Variants in L3MBTL4 observed in about 807,000 individuals in gnomAD.
L3MBTL4 encodes the protein L3MBTL histone methyl-lysine binding protein 4, also known as lethal(3)malignant brain tumor-like protein 4.
Under a neutral mutation model 84.5 loss-of-function variants are expected in L3MBTL4, and 70 were observed. The ratio of observed to expected loss-of-function variants is 0.83; its 90% confidence interval spans 0.68 to 1.01. L3MBTL4 has a LOEUF of 1.01. Ranked by LOEUF, L3MBTL4 falls within the 50% of genes least tolerant of loss-of-function variation. The probability of loss-of-function intolerance (pLI) is 0.00; values close to 1 mark genes in which losing one functional copy is unlikely to be tolerated. For missense variants in L3MBTL4, 715 were observed against 754.8 expected, an observed-to-expected ratio of 0.95 and a Z score of 0.62; for synonymous variants, 274 against 259.8, an observed-to-expected ratio of 1.05 and a Z score of -0.52.
In L3MBTL4 at chr18:6,381,951, A is replaced by T. The variant is rs574234934; in HGVS notation, c.-91+32850T>A. 4.0e-4 allele frequency among the ~76,000 whole-genome samples: 61 copies of T among 152,318 alleles called. No individual in the cohort carries two copies. The South Asian group carries it at 0.013, about 32-fold the overall frequency. On this transcript the variant is annotated intron_variant, in intron 1 of 18. Coordinates refer to ENST00000317931, the MANE Select transcript of L3MBTL4 (RefSeq NM_001330559.2). The stretch of plus-strand genomic sequence containing the variant: ...TTTCCAGCTTGGTTCCATTGTCTCC[A>T]TCACTTTCAGGTACAACAATCAAAC...
At chr18:6,310,962 C>T (rs1418038037) in intron 3 of L3MBTL4, among the ~76,000 whole-genome samples, 3 of 152,048 alleles carry the variant, frequency 2.0e-5, no homozygotes, top group Non-Finnish European at 4.4e-5. Context: ...AAAAACAGGT[C>T]CCCCAAGGAA....
At chr18:5,978,084 G>A (rs529437194) in intron 16 of L3MBTL4, among the ~76,000 whole-genome samples, 2 of 152,314 alleles carry the variant, frequency 1.3e-5, no homozygotes, top group South Asian at 2.1e-4. Context: ...GCCTTCAGAG[G>A]AATTGTACTG....
intron 1 of L3MBTL4, among the ~76,000 whole-genome samples, chr18:6,355,186 T>C (rs2053382378): frequency 6.6e-6 from 1 of 152,140 alleles, no homozygotes; most frequent in South Asian, 2.1e-4. Flanking sequence ...TAAATAACAA[T>C]ATGGATTGTG....
At chr18:6,346,189 C>G (rs2052897571) in intron 1 of L3MBTL4, among the ~76,000 whole-genome samples, 1 of 147,840 alleles carries the variant, frequency 6.8e-6, no homozygotes, top group Admixed American at 6.8e-5. Flanking sequence ...AAAATCAATT[C>G]AAAATAGATT....
At chr18:6,120,335 G>T (rs1396026859) in intron 14 of L3MBTL4, among the ~76,000 whole-genome samples, 5 of 152,260 alleles carry the variant, frequency 3.3e-5, no homozygotes, top group African/African-American at 9.6e-5. Flanking sequence ...TGGCTATGGA[G>T]AGGGAAGGAA....
chr18:6,378,584 C>A (rs1324533871), intron 1 of L3MBTL4, among the ~76,000 whole-genome samples: 1 of 151,818 alleles, frequency 6.6e-6, no homozygotes, highest in African/African-American at 2.4e-5. Flanking sequence ...GAATCCTTTC[C>A]CCATTGCTTG....
intron 1 of L3MBTL4, among the ~76,000 whole-genome samples, chr18:6,378,397 C>T (rs1250778833): frequency 2.0e-4 from 30 of 152,144 alleles, no homozygotes; most frequent in Admixed American, 2.0e-3. Context: ...TTTGCCCATG[C>T]CTATGTCCTG....
chr18:6,166,324 C>A (rs1206229347), intron 13 of L3MBTL4, among the ~76,000 whole-genome samples: 2 of 152,104 alleles, frequency 1.3e-5, no homozygotes, highest in African/African-American at 4.8e-5. Context: ...CTGCACCAAG[C>A]GGACCTAATA....
chr18:6,372,583 T>C (rs1269773266), intron 1 of L3MBTL4, among the ~76,000 whole-genome samples: 1 of 152,302 alleles, frequency 6.6e-6, no homozygotes, highest in Admixed American at 6.5e-5. Flanking sequence ...TCTTAAACTA[T>C]GAGTGGTGAA....
chr18:6,030,799 G>T, intron 16 of L3MBTL4: 1 of 984,734 alleles, frequency 1.0e-6, no homozygotes. Flanking sequence ...CATTAAAAAC[G>T]TCTTACGATA....
At chr18:6,249,693 A>T (rs2047839847) in intron 5 of L3MBTL4, among the ~76,000 whole-genome samples, 1 of 152,204 alleles carries the variant, frequency 6.6e-6, no homozygotes, top group South Asian at 2.1e-4. Context: ...AGGTTTTAAA[A>T]ATTTTTTCCT....
At chr18:6,321,390 A>C (rs900388572) in intron 1 of L3MBTL4, among the ~76,000 whole-genome samples, 4 of 152,192 alleles carry the variant, frequency 2.6e-5, no homozygotes, top group Non-Finnish European at 5.9e-5. Flanking sequence ...CAAGAAAAAA[A>C]CAAATAATCC....
intron 16 of L3MBTL4, among the ~76,000 whole-genome samples, chr18:6,006,638 A>G (rs1253338224): frequency 6.6e-6 from 1 of 152,228 alleles, no homozygotes; most frequent in Non-Finnish European, 1.5e-5. Context: ...GGCTCAAATT[A>G]TCAAACCTTC....
At chr18:6,169,479 C>T (rs903394887) in intron 13 of L3MBTL4, among the ~76,000 whole-genome samples, 9 of 152,092 alleles carry the variant, frequency 5.9e-5, no homozygotes, top group Admixed American at 5.9e-4. Flanking sequence ...CACATATACA[C>T]CATGGAATAC....
intron 1 of L3MBTL4, among the ~76,000 whole-genome samples, chr18:6,352,597 C>T (rs985277229): frequency 1.3e-5 from 2 of 152,188 alleles, no homozygotes; most frequent in Non-Finnish European, 2.9e-5. Context: ...GATCATTCCC[C>T]ACATTATGAG....
At position 6,124,417 on chromosome 18, in the gene L3MBTL4, T is replaced by C. The variant is rs186549300; in HGVS notation, c.1199+13777A>G. Among the ~76,000 whole-genome samples, 252 of 148,204 alleles carry C rather than the reference T, an allele frequency of 1.7e-3. 1 individual carries two copies. Among genetic ancestry groups the C allele is most frequent in the African/African-American group, 5.9e-3 (239 of 40,606 alleles). ...ACATATATAGGGGGATTTTAAATTA[T>C]ATATACAGTTATATTATTATATATA... On this transcript the variant is annotated intron_variant, in intron 14 of 18. Coordinates refer to ENST00000317931, the MANE Select transcript of L3MBTL4 (RefSeq NM_001330559.2).
At chr18:6,168,176 AG>A (rs1353306412) in intron 13 of L3MBTL4, among the ~76,000 whole-genome samples, 4 of 152,320 alleles carry the variant, frequency 2.6e-5, no homozygotes, top group African/African-American at 9.6e-5. Flanking sequence ...GAAATAAAAG[AG>A]GATACAAACA....
chr18:5,997,025 C>T (rs1183155765), intron 16 of L3MBTL4, among the ~76,000 whole-genome samples: 2 of 142,002 alleles, frequency 1.4e-5, no homozygotes, highest in Admixed American at 6.8e-5. Context: ...GTCATGGATT[C>T]AACCAATTGC....
chr18:6,106,297 G>C (rs1261384204), intron 14 of L3MBTL4, among the ~76,000 whole-genome samples: 3 of 152,138 alleles, frequency 2.0e-5, no homozygotes, highest in Admixed American at 1.3e-4. Flanking sequence ...TACATACTAG[G>C]TACTTTGCCA....
Sources: gnomAD v4.1 joint callset for allele counts (sites outside exome capture counted in the v4.1 genomes callset) on GRCh38, gnomAD v4.1.1 for gene constraint, MANE v1.5 for transcripts, NCBI Gene and HGNC (gene_info 2026-07-23, HGNC 2026-07-21) for gene names.